SKI: variants seen among roughly 807,000 people sequenced by gnomAD.
SKI encodes the protein SKI proto-oncogene.
SKI carries 23 observed loss-of-function variants against 59.3 expected under a neutral mutation model. The observed-to-expected ratio is 0.39, with a 90% confidence interval of 0.28 to 0.55. The LOEUF is 0.55. SKI is among the 20% of genes least tolerant of loss of function. SKI has a pLI of 0.67. For synonymous variants in SKI, 673 were observed against 488.6 expected, an observed-to-expected ratio of 1.38 and a Z score of -4.98; for missense variants, 1,017 against 1,038.9, an observed-to-expected ratio of 0.98 and a Z score of 0.29.
At chr1:2,275,280 C>T (rs758558770) in intron 1 of SKI, among the ~76,000 whole-genome samples, 4 of 152,234 alleles carry the variant, frequency 2.6e-5, no homozygotes, top group Admixed American at 1.3e-4. Context: ...GGCGCCACGG[C>T]GGCTCCTTTC....
chr1:2,260,301 A>G (rs143729912), intron 1 of SKI, among the ~76,000 whole-genome samples: 6 of 152,140 alleles, frequency 3.9e-5, no homozygotes, highest in East Asian at 1.9e-4. Context: ...TTGCCACCAT[A>G]TGTCTTCTTT....
chr1:2,278,762 G>A (rs557575470), intron 1 of SKI, among the ~76,000 whole-genome samples: 62 of 151,872 alleles, frequency 4.1e-4, no homozygotes, highest in Non-Finnish European at 7.8e-4. Context: ...GCTGGATGCC[G>A]TGGCCTGCAG....
At chr1:2,275,938 C>T (rs79316478) in intron 1 of SKI, among the ~76,000 whole-genome samples, 173 of 152,256 alleles carry the variant, frequency 1.1e-3, no homozygotes, top group African/African-American at 3.3e-3. Flanking sequence ...CCTCCCTGCC[C>T]GGGCAGGAAT....
rs781193859 is a variant in SKI at position 2,304,365 on chromosome 1, C to T, written c.1547C>T (p.Pro516Leu). Residue 516 changes from proline to leucine, a missense_variant, in exon 5 of 7, where the codon CCG (proline) becomes CTG (leucine). Pro to Leu is a moderately conservative substitution (Grantham distance 98). Transcript: ENST00000378536. ...AGCTCCGCCAAGGACCTGGGCTCCC[C>T]GGGTGCGCGTGCCCTGCCCTCGGCC... is the stretch of plus-strand genomic sequence containing the variant. The part of the protein sequence containing the change: ...SSSSAKDLGS[P>L]GARALPSAVP... 12 of 1,551,624 alleles carry T rather than the reference C, an allele frequency of 7.7e-6. No homozygotes were observed. Among genetic ancestry groups the T allele is most frequent in the African/African-American group, 6.8e-5 (5 of 73,060 alleles).
Position 2,309,245 on chromosome 1 carries a change from G to C in SKI, c.*2480G>C, listed in dbSNP as rs1640682261. 1.3e-5 allele frequency: 2 copies of C among 152,362 alleles called. No individual in the cohort carries two copies. The highest frequency in any genetic ancestry group is 3.4e-3 in the Middle Eastern group (1 of 294). 9.4% of individuals were successfully genotyped at this position (152,362 alleles called of 1,614,324 possible). A position where few individuals can be genotyped will look rare whatever the true frequency, so the allele number is the denominator to read the frequency against. ...GCAGAAGGGGGAAGAGGTGTCCGCT[G>C]TGTGGGCTGCTGACTCCTCTGTGTG... On this transcript the variant is annotated 3_prime_UTR_variant, in exon 7 of 7. Transcript: ENST00000378536.
chr1:2,252,526 C>T (rs1639187108), intron 1 of SKI, among the ~76,000 whole-genome samples: 1 of 152,208 alleles, frequency 6.6e-6, no homozygotes, highest in African/African-American at 2.4e-5. Flanking sequence ...GACTGAGGGT[C>T]TTTATTTCCA....
rs561077973 is a variant in SKI, at chr1:2,273,442, TTGG to T, written c.970-29535_970-29533del. ...CAGGGCTGAGATGGGACTTCTCAGC[TTGG>T]CATGGGGAGGGCAGGACGGGGTGGC... is the stretch of plus-strand genomic sequence containing the variant. On this transcript the variant is annotated intron_variant, in intron 1 of 6. Coordinates refer to ENST00000378536, the MANE Select transcript of SKI (RefSeq NM_003036.4). Among the ~76,000 whole-genome samples the T allele has an allele frequency of 2.0e-4, 30 of 152,298 alleles. No homozygotes were observed. The East Asian group carries it at 5.4e-3, about 27-fold the overall frequency.
chr1:2,288,146 G>A lies in SKI; in HGVS notation c.970-14832G>A, dbSNP rs573753178. Among the ~76,000 whole-genome samples the A allele has an allele frequency of 1.8e-4, 27 of 152,128 alleles. 1 individual carries two copies. Among genetic ancestry groups the A allele is most frequent in the South Asian group, 1.0e-3 (5 of 4,818 alleles). On this transcript the variant is annotated intron_variant, in intron 1 of 6. Coordinates refer to ENST00000378536, the MANE Select transcript of SKI (RefSeq NM_003036.4). ...TGGGATCACAGGCGTGTGCCACCAC[G>A]CCTGGCTAATTTTTGTATTTAGTAG...
intron 1 of SKI, among the ~76,000 whole-genome samples, chr1:2,259,039 G>A (rs1444453983): frequency 6.6e-6 from 1 of 152,206 alleles, no homozygotes; most frequent in Non-Finnish European, 1.5e-5. Flanking sequence ...ATGACATGCT[G>A]TGGGCTCCAT....
chr1:2,286,880 A>G (rs1640050536), intron 1 of SKI, among the ~76,000 whole-genome samples: 1 of 152,366 alleles, frequency 6.6e-6, no homozygotes, highest in South Asian at 2.1e-4. Flanking sequence ...ACCTCTGCTC[A>G]TGCATGCTCT....
At chr1:2,237,640 C>A (rs10910032) in intron 1 of SKI, among the ~76,000 whole-genome samples, 10 of 152,088 alleles carry the variant, frequency 6.6e-5, no homozygotes, top group Non-Finnish European at 1.0e-4. Context: ...CTTTCTCTGC[C>A]GGGAAAGTAA....
intron 1 of SKI, among the ~76,000 whole-genome samples, chr1:2,241,921 G>T (rs1158330234): frequency 6.6e-6 from 1 of 152,172 alleles, no homozygotes; most frequent in Non-Finnish European, 1.5e-5. Context: ...CACTGCGTGC[G>T]ATGGATGGGT....
At chr1:2,253,928 C>T (rs1175203299) in intron 1 of SKI, among the ~76,000 whole-genome samples, 1 of 152,212 alleles carries the variant, frequency 6.6e-6, no homozygotes, top group Non-Finnish European at 1.5e-5. Flanking sequence ...AGAGTGGTGT[C>T]CCCAGAGTGC....
Position 2,303,642 on chromosome 1 carries a change from G to T in SKI, c.1212-198G>T. The T allele has an allele frequency of 7.9e-6, 6 of 762,230 alleles. No homozygotes were observed. In the South Asian group the frequency reaches 1.0e-4, roughly 13 times the overall value. The allele number at this position is 762,230 out of a possible 1,614,324, so 47.2% of individuals were successfully genotyped here. On this transcript the variant is annotated intron_variant, in intron 3 of 6. Coordinates refer to ENST00000378536, the MANE Select transcript of SKI (RefSeq NM_003036.4). The surrounding 1 kb of genome is among the most constrained non-coding windows in gnomAD (Gnocchi z 5.6). Reference sequence around the variant, plus strand: ...CTGGGCGCAGCTTCTTGATGTGTTGGCCTGTGTCTGGCCTTCGCAAGAGAC... The same window carrying T: ...CTGGGCGCAGCTTCTTGATGTGTTGTCCTGTGTCTGGCCTTCGCAAGAGAC...
intron 1 of SKI, among the ~76,000 whole-genome samples, chr1:2,244,405 A>C (rs1439657140): frequency 6.6e-6 from 1 of 152,080 alleles, no homozygotes; most frequent in Non-Finnish European, 1.5e-5. Context: ...TGGTGACACC[A>C]TGTTTCTACT....
chr1:2,237,505 C>T (rs529514839), intron 1 of SKI, among the ~76,000 whole-genome samples: 2 of 152,298 alleles, frequency 1.3e-5, no homozygotes, highest in South Asian at 2.1e-4. Flanking sequence ...GAATAAGAAG[C>T]GGCTGTCAGC....
intron 5 of SKI, 72 bp from the exon 6 acceptor site, chr1:2,305,948 G>T: frequency 8.5e-7 from 1 of 1,175,202 alleles, no homozygotes; most frequent in Non-Finnish European, 1.2e-6. Flanking sequence ...GGTGGGCTGA[G>T]GACTGCTGGT....
Position 2,306,059 on chromosome 1 carries a change from C to T in SKI, c.1807C>T (p.Arg603Trp), listed in dbSNP as rs1640565489. 6.3e-7 allele frequency: 1 copy of T among 1,599,080 alleles called. No homozygotes were observed. Among genetic ancestry groups the T allele is most frequent in the Non-Finnish European group, 8.5e-7 (1 of 1,174,536 alleles). Residue 603 changes from arginine to tryptophan, a missense_variant, in exon 6 of 7, where the codon CGG (arginine) becomes TGG (tryptophan). By Grantham distance (101) the Arg-to-Trp change is moderately radical. Transcript: ENST00000378536. Reference sequence around the variant, plus strand: ...ACGCGTGGCCAAGAAGGAGAAGCTGCGGGAGGCCACGGAGGCCAAGCGTAA... The same window carrying T: ...ACGCGTGGCCAAGAAGGAGAAGCTGTGGGAGGCCACGGAGGCCAAGCGTAA... ...FLRVAKKEKL[R>W]EATEAKRNLR...
At chr1:2,297,704 C>T (rs1640317304) in intron 1 of SKI, among the ~76,000 whole-genome samples, 1 of 152,278 alleles carries the variant, frequency 6.6e-6, no homozygotes, top group African/African-American at 2.4e-5. Context: ...GCATCTGCGT[C>T]TGCAGGACTT....
Sources: gnomAD v4.1 joint callset for allele counts (sites outside exome capture counted in the v4.1 genomes callset) on GRCh38, gnomAD v4.1.1 for gene constraint, Gnocchi (gnomAD v3.1) non-coding constraint, MANE v1.5 for transcripts, NCBI Gene and HGNC (gene_info 2026-07-23, HGNC 2026-07-21) for gene names.